Variants in NRXN1 observed in about 807,000 individuals in gnomAD.
NRXN1 encodes the protein neurexin-1.
In NRXN1, 39 loss-of-function variants were observed where a neutral mutation model predicts 150.9. The ratio of observed to expected loss-of-function variants is 0.26; its 90% CI spans 0.20 to 0.34. The LOEUF (loss-of-function observed/expected upper bound fraction) is 0.34. Ranked by LOEUF, NRXN1 falls within the 10% of genes least tolerant of loss-of-function variation. The probability of loss-of-function intolerance (pLI) is 1.00; values close to 1 mark genes in which losing one functional copy is unlikely to be tolerated. For missense variants in NRXN1, 1,815 were observed against 1,949.9 expected (o/e 0.93, Z 1.30); for synonymous variants, 924 against 757.0 (o/e 1.22, Z -3.62).
intron 18 of NRXN1, among the ~76,000 whole-genome samples, chr2:50,176,097 G>C (rs1362241158): frequency 2.6e-5 from 4 of 152,088 alleles, no homozygotes; most frequent in Non-Finnish European, 5.9e-5. Flanking sequence ...TCTAGTATTA[G>C]CACTGACCTA....
chr2:50,488,573 C>T (rs2091037706), intron 15 of NRXN1, among the ~76,000 whole-genome samples: 2 of 152,124 alleles, frequency 1.3e-5, no homozygotes, highest in Non-Finnish European at 2.9e-5. Flanking sequence ...CCTGAGTACG[C>T]CTTTTATGGA....
At chr2:50,826,015 C>G (rs1670399516) in intron 5 of NRXN1, among the ~76,000 whole-genome samples, 1 of 152,178 alleles carries the variant, frequency 6.6e-6, no homozygotes, top group Non-Finnish European at 1.5e-5. Context: ...TACATCTGCT[C>G]TCATGGAAAT....
chr2:50,711,929 A>G (rs1193480804), intron 5 of NRXN1, among the ~76,000 whole-genome samples: 2 of 152,088 alleles, frequency 1.3e-5, no homozygotes, highest in African/African-American at 4.8e-5. Flanking sequence ...AGACGCCGGC[A>G]CCTTGATCTT....
intron 13 of NRXN1, among the ~76,000 whole-genome samples, chr2:50,499,862 C>G (rs565123423): frequency 4.7e-5 from 7 of 150,352 alleles, no homozygotes; most frequent in Non-Finnish European, 1.0e-4. Flanking sequence ...GCAGGAGAAT[C>G]GCTTGAACCT....
At chr2:50,878,618 T>C (rs1223508322) in intron 5 of NRXN1, among the ~76,000 whole-genome samples, 1 of 151,978 alleles carries the variant, frequency 6.6e-6, no homozygotes, top group Non-Finnish European at 1.5e-5. Context: ...GACTGAGCTA[T>C]AAGGATTCAA....
At chr2:50,282,361 A>C (rs1429013135) in intron 17 of NRXN1, among the ~76,000 whole-genome samples, 1 of 152,196 alleles carries the variant, frequency 6.6e-6, no homozygotes, top group Non-Finnish European at 1.5e-5. Context: ...CCTCAAACTA[A>C]GATATTACAG....
chr2:49,990,647 C>A (rs1189728731), intron 21 of NRXN1, among the ~76,000 whole-genome samples: 1 of 151,954 alleles, frequency 6.6e-6, no homozygotes, highest in Non-Finnish European at 1.5e-5. Context: ...GATAACATAT[C>A]AGTAAGTAAT....
intron 17 of NRXN1, among the ~76,000 whole-genome samples, chr2:50,336,730 A>AG (rs1649404582): frequency 6.6e-6 from 1 of 152,176 alleles, no homozygotes; most frequent in South Asian, 2.1e-4. Context: ...ATCTTAAATC[A>AG]ATCACTCCTT....
intron 10 of NRXN1, among the ~76,000 whole-genome samples, chr2:50,534,605 T>G (rs1398984130): frequency 6.6e-6 from 1 of 152,186 alleles, no homozygotes; most frequent in Non-Finnish European, 1.5e-5. Context: ...ACTTTTGTTT[T>G]TCCTAAACTA....
intron 2 of NRXN1, among the ~76,000 whole-genome samples, chr2:51,001,537 G>A (rs961779578): frequency 2.6e-5 from 4 of 151,898 alleles, no homozygotes; most frequent in African/African-American, 9.7e-5. Context: ...GTTTTACTGA[G>A]CTCCCCTAAA....
At position 50,189,267 on chromosome 2, in the gene NRXN1, C is replaced by G. The variant is rs1486614644; in HGVS notation, c.3546+47522G>C. ...CATTCTCAGGAAACTAACACAGGGA[C>G]AGAAAACCAAACACTCCGTGTTCTC... On this transcript the variant is annotated intron_variant, in intron 18 of 22. Transcript: ENST00000401669. Among the ~76,000 whole-genome samples, 3 of 151,730 alleles carry G rather than the reference C, an allele frequency of 2.0e-5. No homozygotes were observed. In the East Asian group the frequency reaches 5.8e-4, roughly 30 times the overall value.
At chr2:50,292,228 A>G (rs2073015894) in intron 17 of NRXN1, among the ~76,000 whole-genome samples, 1 of 152,208 alleles carries the variant, frequency 6.6e-6, no homozygotes, top group African/African-American at 2.4e-5. Context: ...TGACAACTAT[A>G]TAAAATTGAC....
intron 15 of NRXN1, among the ~76,000 whole-genome samples, chr2:50,478,118 C>T (rs926967133): frequency 3.0e-4 from 45 of 152,140 alleles, no homozygotes; most frequent in African/African-American, 9.4e-4. Context: ...ACTGAGAGAG[C>T]TTGTCTTTAG....
At chr2:51,017,137 G>C (rs914238026) in intron 2 of NRXN1, among the ~76,000 whole-genome samples, 3 of 151,948 alleles carry the variant, frequency 2.0e-5, no homozygotes, top group Non-Finnish European at 4.4e-5. Flanking sequence ...ATATCATTAG[G>C]AGAAATACCT....
chr2:50,394,617 C>G (rs574656547), intron 17 of NRXN1, among the ~76,000 whole-genome samples: 6 of 152,012 alleles, frequency 3.9e-5, no homozygotes, highest in African/African-American at 9.7e-5. Flanking sequence ...TGGACGCCTG[C>G]TACAGCATCC....
At chr2:50,629,972 T>C (rs1368395619) in intron 5 of NRXN1, among the ~76,000 whole-genome samples, 1 of 151,660 alleles carries the variant, frequency 6.6e-6, no homozygotes, top group Non-Finnish European at 1.5e-5. Context: ...CACAGCAATG[T>C]TATGATAAAA....
intron 16 of NRXN1, among the ~76,000 whole-genome samples, chr2:50,469,450 A>G (rs1021223348): frequency 4.6e-5 from 7 of 151,624 alleles, no homozygotes. Flanking sequence ...ACTCCTCACA[A>G]GATATTATTA....
At chr2:50,384,150 A>T (rs1181668164) in intron 17 of NRXN1, among the ~76,000 whole-genome samples, 1 of 152,206 alleles carries the variant, frequency 6.6e-6, no homozygotes, top group African/African-American at 2.4e-5. Context: ...AGCTTAAAAA[A>T]GAAATTAGCT....
intron 8 of NRXN1, among the ~76,000 whole-genome samples, chr2:50,603,652 T>C (rs1157039577): frequency 6.6e-6 from 1 of 152,150 alleles, no homozygotes; most frequent in East Asian, 1.9e-4. Flanking sequence ...TAGATGACTT[T>C]TCAGTAAGAA....
Sources: allele counts gnomAD v4.1 joint callset (sites outside exome capture counted in the v4.1 genomes callset), GRCh38; gene constraint gnomAD v4.1.1; transcripts MANE v1.5; gene names NCBI Gene and HGNC (gene_info 2026-07-23, HGNC 2026-07-21).